The following MBNL3 variants were observed in gnomAD, a reference collection of about 807,000 sequenced individuals.
MBNL3 encodes muscleblind like splicing regulator 3.
A neutral mutation model predicts 24.5 loss-of-function variants in MBNL3; 6 were observed. That is an observed-to-expected ratio of 0.25 (90% CI 0.13 to 0.48). The LOEUF (loss-of-function observed/expected upper bound fraction) is 0.48. Among genes scored for constraint, MBNL3 ranks in the 20% least tolerant of loss-of-function variants. MBNL3 has a pLI of 0.99. For synonymous variants in MBNL3, 100 were observed against 101.7 expected, an observed-to-expected ratio of 0.98 and a Z score of 0.10; for missense variants, 230 against 293.5, an observed-to-expected ratio of 0.78 and a Z score of 1.58.
rs1368591955 is a variant in MBNL3, at chrX:132,374,983, C to T, written c.*4683G>A. ...CTAAATACTGTGGAATAACCCTATCCACACAACAAATTCTATAAACTATAA... is the reference window on the plus strand; with the variant it reads ...CTAAATACTGTGGAATAACCCTATCTACACAACAAATTCTATAAACTATAA... On this transcript the variant is annotated 3_prime_UTR_variant, in exon 9 of 9. Transcript: ENST00000370853. 1 of 111,551 alleles carries T rather than the reference C, an allele frequency of 9.0e-6. No individual in the cohort carries two copies. The highest frequency in any genetic ancestry group is 1.9e-5 in the Non-Finnish European group (1 of 52,898). 9.2% of individuals were successfully genotyped at this position (111,551 alleles called of 1,213,427 possible).
At chrX:132,411,555 A>C in intron 2 of MBNL3, 25 of 300,989 alleles carry the variant, frequency 8.3e-5, no homozygotes, top group South Asian at 1.7e-4. Flanking sequence ...TAAGCAGCTC[A>C]GTAAGCACAC....
At position 132,422,166 on chromosome X, in the gene MBNL3, C is replaced by A. The variant is rs938185138; in HGVS notation, c.178-15774G>T. ...GTGTGTGTGTGTGTGTACATATACA[C>A]ACCCTTTTGTTCTCACAGTTGCTAC... On this transcript the variant is annotated intron_variant, in intron 2 of 8. Transcript: ENST00000370853. Among the ~76,000 whole-genome samples, 4 of 110,084 alleles carry A rather than the reference C, an allele frequency of 3.6e-5. No individual in the cohort carries two copies. The South Asian group carries it at 1.6e-3, about 43-fold the overall frequency.
intron 1 of MBNL3, among the ~76,000 whole-genome samples, chrX:132,457,151 A>T (rs962589111): frequency 8.9e-5 from 10 of 111,802 alleles, no homozygotes; most frequent in African/African-American, 3.2e-4. Context: ...TAACTTGTAA[A>T]TTTACTATAT....
In MBNL3 at chrX:132,391,024, A is replaced by T. The variant is rs1275817433; in HGVS notation, c.594T>A (p.Ala198=). The change falls in exon 5 of 9, where the codon GCT becomes GCA. Residue 198 remains alanine (A), a synonymous_variant. Transcript: ENST00000370853. ...CTRGENDCRY[A]HPTDASMIEA... is the part of the protein sequence containing the mutation. ...CAATCATGGAAGCATCAGTAGGGTG[A>T]GCATAGCGGCAATCATTCTCCCCAC... 1 of 1,211,643 alleles carries T rather than the reference A, an allele frequency of 8.3e-7. No individual in the cohort carries two copies. The highest frequency in any genetic ancestry group is 3.0e-5 in the East Asian group (1 of 33,833).
At chrX:132,489,204 C>T (rs1018702174), upstream of MBNL3, among the ~76,000 whole-genome samples, 1 of 112,702 alleles carries the variant, frequency 8.9e-6, no homozygotes, top group African/African-American at 3.2e-5. Context: ...ACGGTTCCCC[C>T]TCTCCCTTCG....
intron 1 of MBNL3, among the ~76,000 whole-genome samples, chrX:132,486,938 G>T (rs1389325456): frequency 9.0e-6 from 1 of 111,610 alleles, no homozygotes; most frequent in East Asian, 2.8e-4. Context: ...AGCAAAACAT[G>T]CAGTCACCAC....
chrX:132,459,289 A>G (rs1287116866), intron 1 of MBNL3, among the ~76,000 whole-genome samples: 1 of 110,350 alleles, frequency 9.1e-6, no homozygotes, highest in Non-Finnish European at 1.9e-5. Flanking sequence ...GGCAGTGGAC[A>G]TGGTTCCTGT....
Position 132,417,861 on chromosome X carries a change from C to T in MBNL3, c.178-11469G>A, listed in dbSNP as rs139866181. ...AAAGATTTTGACAAAGTGGATAGAG[C>T]GAAAGAAACTAGGTAGTGTAAAACA... On this transcript the variant is annotated intron_variant, in intron 2 of 8. Coordinates refer to ENST00000370853, the MANE Select transcript of MBNL3 (RefSeq NM_001386889.1). Among the ~76,000 whole-genome samples the T allele has an allele frequency of 4.2e-3, 471 of 111,525 alleles. 8 individuals carry two copies. In the East Asian group the frequency reaches 0.074, roughly 18 times the overall value.
intron 2 of MBNL3, among the ~76,000 whole-genome samples, chrX:132,407,931 C>T (rs973308711): frequency 9.2e-6 from 1 of 108,747 alleles, no homozygotes; most frequent in African/African-American, 3.3e-5. Flanking sequence ...CACACCCTAA[C>T]ATTAAAGATT....
chrX:132,431,257 A>G (rs1316307635), intron 2 of MBNL3: 2 of 111,455 alleles, frequency 1.8e-5, no homozygotes, highest in African/African-American at 6.5e-5. Context: ...CCTACTAGTG[A>G]TTTTGTGTTT....
intron 3 of MBNL3, among the ~76,000 whole-genome samples, chrX:132,404,716 T>G (rs1029735455): frequency 4.5e-5 from 5 of 112,091 alleles, no homozygotes; most frequent in African/African-American, 1.6e-4. Context: ...GATGTACTCA[T>G]TAAAGGGTTC....
intron 2 of MBNL3, chrX:132,431,604 G>T (rs1944739577): frequency 9.0e-6 from 1 of 111,504 alleles, no homozygotes; most frequent in African/African-American, 3.3e-5. Flanking sequence ...TTATTCCAAA[G>T]ATCCCGAGTT....
chrX:132,396,360 CTA>C (rs1491258975), intron 3 of MBNL3, among the ~76,000 whole-genome samples: 1 of 77,643 alleles, frequency 1.3e-5, no homozygotes, highest in Non-Finnish European at 2.4e-5. Flanking sequence ...ATATATATTC[CTA>C]TATATATTCA....
chrX:132,462,798 G>A (rs1468342115), intron 1 of MBNL3, among the ~76,000 whole-genome samples: 2 of 111,398 alleles, frequency 1.8e-5, no homozygotes, highest in Non-Finnish European at 3.8e-5. Context: ...TATTCAATAC[G>A]TGACACAGTT....
intron 1 of MBNL3, among the ~76,000 whole-genome samples, chrX:132,468,354 TAC>T (rs1156953601): frequency 8.9e-6 from 1 of 112,088 alleles, no homozygotes; most frequent in Non-Finnish European, 1.9e-5. Flanking sequence ...TATTTTCAAG[TAC>T]AGATACCAGA....
At chrX:132,399,391 G>A (rs1404857063) in intron 3 of MBNL3, among the ~76,000 whole-genome samples, 4 of 110,394 alleles carry the variant, frequency 3.6e-5, no homozygotes, top group African/African-American at 1.3e-4. Flanking sequence ...TTTAAAATTG[G>A]AGTGGCTAAA....
rs1021824724 is a variant in MBNL3 at position 132,427,082 on chromosome X, C to T, written c.177+12353G>A. On this transcript the variant is annotated intron_variant, in intron 2 of 8. Transcript: ENST00000370853. ...GTAGGATTCCCATGACATAAGGAGC[C>T]CTTGTTAGAACTGTTATGTGTGACA... Among the ~76,000 whole-genome samples the T allele has an allele frequency of 1.3e-4, 15 of 111,492 alleles. 2 individuals are homozygous for T. The highest frequency in any genetic ancestry group is 1.1e-3 in the Admixed American group (11 of 10,472).
rs148485859 is a variant in MBNL3, at chrX:132,386,582, G to A, written c.922+79C>T. ...ACATGTCGACAGTCCTCCTATACAA[G>A]CTCTTTGAAAGCTGTTTTGCATTGT... On this transcript the variant is annotated intron_variant, in intron 6 of 8. Transcript: ENST00000370853. The A allele has an allele frequency of 6.7e-3, 7,402 of 1,098,878 alleles. 35 individuals are homozygous for A. Among genetic ancestry groups the A allele is most frequent in the Middle Eastern group, 0.024 (67 of 2,786 alleles). 90.6% of individuals were successfully genotyped at this position (1,098,878 alleles called of 1,213,427 possible).
intron 1 of MBNL3, among the ~76,000 whole-genome samples, chrX:132,478,086 A>G (rs1016862261): frequency 1.4e-4 from 16 of 111,704 alleles, no homozygotes; most frequent in Non-Finnish European, 2.8e-4. Flanking sequence ...ACTTATATTT[A>G]ACTTATTAAA....
Sources: allele counts gnomAD v4.1 joint callset (sites outside exome capture counted in the v4.1 genomes callset), GRCh38; gene constraint gnomAD v4.1.1; transcripts MANE v1.5; gene names NCBI Gene and HGNC (gene_info 2026-07-23, HGNC 2026-07-21).